Variants in FBLN2 observed in about 807,000 individuals in gnomAD.
FBLN2 encodes fibulin 2, also known as fibulin-2.
A neutral mutation model predicts 123.7 loss-of-function variants in FBLN2; 81 were observed. The observed-to-expected ratio is 0.65, with a 90% CI of 0.55 to 0.79. The LOEUF (loss-of-function observed/expected upper bound fraction) is 0.79. Ranked by LOEUF, FBLN2 falls within the 30% of genes least tolerant of loss-of-function variation. FBLN2 has a pLI of 0.00. For missense variants in FBLN2, 1,603 were observed against 1,681.3 expected, an observed-to-expected ratio of 0.95 and a Z score of 0.81; for synonymous variants, 699 against 701.4, an observed-to-expected ratio of 1.00 and a Z score of 0.05.
intron 2 of FBLN2, among the ~76,000 whole-genome samples, chr3:13,575,703 G>A (rs1704117065): frequency 6.6e-6 from 1 of 152,116 alleles, no homozygotes; most frequent in African/African-American, 2.4e-5. Context: ...GGGGCCAGGG[G>A]TGGGGCTGCT....
At chr3:13,631,555 C>A in intron 16 of FBLN2, 98 bp downstream of exon 16, 1 of 1,363,548 alleles carries the variant, frequency 7.3e-7, no homozygotes, top group Non-Finnish European at 9.8e-7. Flanking sequence ...GCACTTGGAG[C>A]CCCCACACCC....
intron 2 of FBLN2, among the ~76,000 whole-genome samples, chr3:13,584,777 A>G (rs1232485182): frequency 6.6e-6 from 1 of 152,228 alleles, no homozygotes; most frequent in Admixed American, 6.5e-5. Context: ...ACTGTCCGCA[A>G]TGCCACCACA....
Position 13,581,267 on chromosome 3 carries a change from A to G in FBLN2, c.1306+9606A>G, listed in dbSNP as rs556141747. Among the ~76,000 whole-genome samples the G allele has an allele frequency of 3.0e-3, 449 of 152,152 alleles. 6 individuals carry two copies. The highest frequency in any genetic ancestry group is 0.01 in the African/African-American group (430 of 41,484). On this transcript the variant is annotated intron_variant, in intron 2 of 17. Transcript: ENST00000404922. ...GGGGCACTGGCTTTCACTGGGGTCC[A>G]GGATGGGGAACATGAAAGTCCGGTA...
intron 2 of FBLN2, among the ~76,000 whole-genome samples, chr3:13,593,840 G>A (rs1306767923): frequency 6.6e-6 from 1 of 151,868 alleles, no homozygotes; most frequent in Non-Finnish European, 1.5e-5. Flanking sequence ...GACATATTCA[G>A]AAGTCCCCAG....
At chr3:13,578,942 C>G (rs1048584258) in intron 2 of FBLN2, among the ~76,000 whole-genome samples, 2 of 152,174 alleles carry the variant, frequency 1.3e-5, no homozygotes, top group African/African-American at 4.8e-5. Context: ...ATAATCCCAG[C>G]TGCTTGGGAG....
At chr3:13,615,190 A>T (rs1482109116) in intron 5 of FBLN2, among the ~76,000 whole-genome samples, 1 of 152,200 alleles carries the variant, frequency 6.6e-6, no homozygotes, top group Non-Finnish European at 1.5e-5. Context: ...GAGCCTGATG[A>T]GGGTGCCCCA....
At chr3:13,568,882 T>G in intron 1 of FBLN2, 1 of 985,790 alleles carries the variant, frequency 1.0e-6, no homozygotes, top group Non-Finnish European at 1.2e-6. Flanking sequence ...TCTTGCTGGC[T>G]GATAAACCCC....
intron 2 of FBLN2, among the ~76,000 whole-genome samples, chr3:13,598,627 G>T (rs752310836): frequency 9.8e-5 from 15 of 152,330 alleles, no homozygotes; most frequent in Non-Finnish European, 1.9e-4. Context: ...TGTTGTTGAT[G>T]TGAGCTTTAC....
At chr3:13,631,101 C>T (rs1706239290) in intron 15 of FBLN2, among the ~76,000 whole-genome samples, 1 of 152,228 alleles carries the variant, frequency 6.6e-6, no homozygotes, top group African/African-American at 2.4e-5. Context: ...ATTGTCCCCT[C>T]AGCTGGTAGT....
chr3:13,570,351 G>A lies in FBLN2; in HGVS notation c.-5G>A, dbSNP rs1037701999. ...AGAGGGGACCGTCCTGGGCTGGCCTGGACCATGGTGCTGCTCTGGGAGCCT... is the reference window on the plus strand; with the variant it reads ...AGAGGGGACCGTCCTGGGCTGGCCTAGACCATGGTGCTGCTCTGGGAGCCT... On this transcript the variant is annotated 5_prime_UTR_variant, in exon 2 of 18. Transcript: ENST00000404922. The A allele has an allele frequency of 2.6e-6, 4 of 1,546,244 alleles. No individual in the cohort carries two copies. The highest frequency in any genetic ancestry group is 1.4e-5 in the African/African-American group (1 of 73,096).
At chr3:13,636,215 G>A (rs921594860) in intron 16 of FBLN2, among the ~76,000 whole-genome samples, 1 of 152,228 alleles carries the variant, frequency 6.6e-6, no homozygotes, top group Non-Finnish European at 1.5e-5. Context: ...TTATTCTGGA[G>A]CGCGAGAAGC....
intron 1 of FBLN2, among the ~76,000 whole-genome samples, chr3:13,556,370 G>C (rs891081853): frequency 6.6e-6 from 1 of 152,062 alleles, no homozygotes; most frequent in African/African-American, 2.4e-5. Context: ...GAGGGAGGGA[G>C]GGAGGGAGAG....
At chr3:13,583,352 A>G (rs1704397554) in intron 2 of FBLN2, among the ~76,000 whole-genome samples, 1 of 152,274 alleles carries the variant, frequency 6.6e-6, no homozygotes, top group South Asian at 2.1e-4. Context: ...ACTGAGGCCC[A>G]GGCAGGTTAA....
chr3:13,580,024 T>C (rs1704272059), intron 2 of FBLN2, among the ~76,000 whole-genome samples: 2 of 152,226 alleles, frequency 1.3e-5, no homozygotes, highest in South Asian at 4.1e-4. Flanking sequence ...TAAACTTTTA[T>C]AAATGAATGA....
intron 16 of FBLN2, 99 bp downstream of exon 16, chr3:13,631,556 C>T: frequency 7.3e-7 from 1 of 1,369,682 alleles, no homozygotes; most frequent in Non-Finnish European, 9.8e-7. Context: ...CACTTGGAGC[C>T]CCCACACCCA....
At chr3:13,583,529 A>T (rs926384046) in intron 2 of FBLN2, among the ~76,000 whole-genome samples, 1 of 152,196 alleles carries the variant, frequency 6.6e-6, no homozygotes, top group Non-Finnish European at 1.5e-5. Flanking sequence ...AGGCTTCAGG[A>T]CTGTCTGGAT....
rs758691651 is a variant in FBLN2, at chr3:13,618,273, A to G, written c.1927A>G (p.Thr643Ala). The change falls in exon 6 of 18, where the codon ACT becomes GCT. Residue 643 changes from threonine to alanine, a missense_variant. Coordinates refer to ENST00000404922, the MANE Select transcript of FBLN2 (RefSeq NM_001004019.2). The part of the protein sequence containing the change: ...PGFSLQDDGR[T>A]CRPEGHPPQP... Reference sequence around the variant, plus strand: ...CTTCTCACTGCAGGACGATGGCCGCACTTGCCGCCCAGGTAAGGGCCCTGA... The same window carrying G: ...CTTCTCACTGCAGGACGATGGCCGCGCTTGCCGCCCAGGTAAGGGCCCTGA... 15 of 1,613,710 alleles carry G rather than the reference A, an allele frequency of 9.3e-6. No individual in the cohort carries two copies. The highest frequency in any genetic ancestry group is 5.3e-5 in the African/African-American group (4 of 74,952).
At chr3:13,550,348 C>T (rs567227852) in intron 1 of FBLN2, among the ~76,000 whole-genome samples, 8 of 152,348 alleles carry the variant, frequency 5.3e-5, no homozygotes, top group South Asian at 4.1e-4. Context: ...CTCCAGTCTC[C>T]GAAATAGGGG....
rs1196683728 is a variant in FBLN2, at chr3:13,570,992, G to C, written c.637G>C (p.Gly213Arg). The change falls in exon 2 of 18, where the codon GGG becomes CGG. Residue 213 changes from glycine to arginine, a missense_variant. By Grantham distance (125) the Gly-to-Arg change is moderately radical. Transcript: ENST00000404922. ...CGAGGTGGAAGCAGCAACAGCCCTG[G>C]GGGGTGAGGTCCAGGCGGGTGCAGT... is the stretch of plus-strand genomic sequence containing the variant. The part of the protein sequence containing the change: ...VAEVEAATAL[G>R]GEVQAGAVQA... 1.2e-6 allele frequency: 2 copies of C among 1,607,316 alleles called. No individual in the cohort carries two copies.
Sources: gnomAD v4.1 joint callset for allele counts (sites outside exome capture counted in the v4.1 genomes callset) on GRCh38, gnomAD v4.1.1 for gene constraint, MANE v1.5 for transcripts, NCBI Gene and HGNC (gene_info 2026-07-23, HGNC 2026-07-21) for gene names.